The following MEIS1 variants were observed in gnomAD, a reference collection of about 807,000 sequenced individuals.
MEIS1 encodes the protein Meis homeobox 1.
MEIS1 carries 5 observed loss-of-function variants against 50.8 expected under a neutral mutation model. The observed-to-expected ratio is 0.10, with a 90% CI of 0.05 to 0.21. The LOEUF is 0.21. MEIS1 is among the 10% of genes least tolerant of loss of function. The pLI is 1.00. For missense variants in MEIS1, 318 were observed against 517.3 expected, an observed-to-expected ratio of 0.61 and a Z score of 3.74; for synonymous variants, 176 against 179.3, an observed-to-expected ratio of 0.98 and a Z score of 0.15.
intron 7 of MEIS1, among the ~76,000 whole-genome samples, chr2:66,469,203 A>AG (rs1312975077): frequency 6.6e-6 from 1 of 151,100 alleles, no homozygotes; most frequent in Non-Finnish European, 1.5e-5. Flanking sequence ...AAAAAAAAAA[A>AG]GCAAAACCAG....
intron 6 of MEIS1, among the ~76,000 whole-genome samples, chr2:66,455,259 T>C (rs1050062581): frequency 1.3e-5 from 2 of 152,216 alleles, no homozygotes; most frequent in Non-Finnish European, 2.9e-5. Flanking sequence ...TTTTGAGAAA[T>C]TGGCATTTAT....
At chr2:66,447,250 A>G (rs1383889861) in intron 6 of MEIS1, among the ~76,000 whole-genome samples, 3 of 152,226 alleles carry the variant, frequency 2.0e-5, no homozygotes, top group Non-Finnish European at 4.4e-5. Context: ...TCCCTTTGTC[A>G]GGTAGTTTGT....
intron 9 of MEIS1, among the ~76,000 whole-genome samples, chr2:66,554,076 T>A (rs1383238299): frequency 6.6e-6 from 1 of 152,332 alleles, no homozygotes; most frequent in East Asian, 1.9e-4. Flanking sequence ...AGCTGGAAGC[T>A]GCAATCCAGC....
chr2:66,473,397 A>AAATATATATAT, intron 7 of MEIS1, among the ~76,000 whole-genome samples: 1 of 107,592 alleles, frequency 9.3e-6, no homozygotes, highest in African/African-American at 5.8e-5. Flanking sequence ...AAAAAAAAAA[A>AAATATATATAT]ATATATATAT....
At chr2:66,462,840 A>G (rs970477100) in intron 6 of MEIS1, among the ~76,000 whole-genome samples, 2 of 152,188 alleles carry the variant, frequency 1.3e-5, no homozygotes, top group East Asian at 1.9e-4. Context: ...TACAAATGGC[A>G]TATCTTTCTA....
intron 9 of MEIS1, among the ~76,000 whole-genome samples, chr2:66,566,553 A>G (rs550584787): frequency 6.6e-4 from 100 of 152,246 alleles, no homozygotes; most frequent in South Asian, 3.1e-3. Context: ...ATGCAGAACA[A>G]ACGGATCTTA....
intron 8 of MEIS1, among the ~76,000 whole-genome samples, chr2:66,524,826 G>A (rs370795372): frequency 2.6e-5 from 4 of 152,106 alleles, no homozygotes; most frequent in African/African-American, 7.2e-5. Context: ...GGTATAACAA[G>A]TAACTTTAAA....
chr2:66,573,606 C>T lies in MEIS1; in HGVS notation c.*2398C>T, dbSNP rs766114789. ...CTGCTGGAGTAGCAATGCATTCTCA[C>T]CTTTTGCTGATGGGGCCTTGTTTCT... On this transcript the variant is annotated 3_prime_UTR_variant, in exon 13 of 13. Transcript: ENST00000272369. 8 of 152,196 alleles carry T rather than the reference C, an allele frequency of 5.3e-5. No homozygotes were observed. Among genetic ancestry groups the T allele is most frequent in the African/African-American group, 9.7e-5 (4 of 41,430 alleles). 9.4% of individuals were successfully genotyped at this position (152,196 alleles called of 1,614,324 possible). A position where few individuals can be genotyped will look rare whatever the true frequency, so the allele number is the denominator to read the frequency against.
At chr2:66,536,241 C>T (rs1487021348) in intron 8 of MEIS1, among the ~76,000 whole-genome samples, 2 of 152,172 alleles carry the variant, frequency 1.3e-5, no homozygotes, top group Middle Eastern at 3.2e-3. Context: ...ACCAAATTTA[C>T]ATACTTTTAA....
chr2:66,498,674 G>A (rs1254740983), intron 7 of MEIS1, among the ~76,000 whole-genome samples: 2 of 152,110 alleles, frequency 1.3e-5, no homozygotes, highest in East Asian at 1.9e-4. Flanking sequence ...AGTCTTCCTG[G>A]CCTGGAGTGA....
At chr2:66,517,714 G>A (rs916949965) in intron 8 of MEIS1, among the ~76,000 whole-genome samples, 6 of 152,106 alleles carry the variant, frequency 3.9e-5, no homozygotes, top group African/African-American at 7.2e-5. Context: ...AAATGGAGTC[G>A]ATTATTTAAT....
chr2:66,527,720 G>A (rs568118773), intron 8 of MEIS1, among the ~76,000 whole-genome samples: 7 of 151,600 alleles, frequency 4.6e-5, no homozygotes, highest in South Asian at 4.2e-4. Context: ...GAGGAGAGAT[G>A]GCTAGAATAG....
chr2:66,521,336 AAC>A (rs752254330), intron 8 of MEIS1, among the ~76,000 whole-genome samples: 1 of 150,436 alleles, frequency 6.6e-6, no homozygotes, highest in Non-Finnish European at 1.5e-5. Flanking sequence ...TAAACCTTCT[AAC>A]ACAGAATTTA....
At chr2:66,442,215 T>C (rs944967921) in intron 5 of MEIS1, among the ~76,000 whole-genome samples, 1 of 149,384 alleles carries the variant, frequency 6.7e-6, no homozygotes, top group Admixed American at 6.7e-5. Flanking sequence ...CTGGGACCTC[T>C]AGGAAACCTC....
intron 7 of MEIS1, among the ~76,000 whole-genome samples, chr2:66,500,908 A>G (rs1673538507): frequency 6.6e-6 from 1 of 152,208 alleles, no homozygotes. Flanking sequence ...TAAATTACAT[A>G]GCAAGCTTTT....
At chr2:66,472,714 G>C (rs747031184) in intron 7 of MEIS1, among the ~76,000 whole-genome samples, 2 of 152,210 alleles carry the variant, frequency 1.3e-5, no homozygotes, top group Non-Finnish European at 2.9e-5. Context: ...GCACTACCTT[G>C]GTAGGTGTAG....
At chr2:66,568,456 G>C (rs1675404506) in intron 10 of MEIS1, 5 of 463,782 alleles carry the variant, frequency 1.1e-5, no homozygotes, top group Non-Finnish European at 2.0e-5. Context: ...CACCTTAACT[G>C]TTCCCTCTTT....
At chr2:66,473,397 A>AAAAAAAAAAATATATATATATATATAT in intron 7 of MEIS1, among the ~76,000 whole-genome samples, 1 of 107,584 alleles carries the variant, frequency 9.3e-6, no homozygotes, top group African/African-American at 5.8e-5. Context: ...AAAAAAAAAA[A>AAAAAAAAAAATATATATATATATATAT]ATATATATAT....
rs200557245 is a variant in MEIS1, at chr2:66,527,590, AAG to A, written c.888+15297_888+15298del. 5.7e-3 allele frequency among the ~76,000 whole-genome samples: 554 copies of A among 97,812 alleles called. 11 individuals carry two copies. Among genetic ancestry groups the A allele is most frequent in the African/African-American group, 0.024 (544 of 22,858 alleles). The allele number at this position is 97,812 out of a possible 152,430, so 64.2% of individuals were successfully genotyped here. ...CTGATACCTGTATTGCAGTAAAAGCAAGTGTGTGTGTGTGTGTGTGTGTGTGT... is the reference window on the plus strand; with the variant it reads ...CTGATACCTGTATTGCAGTAAAAGCATGTGTGTGTGTGTGTGTGTGTGTGT... On this transcript the variant is annotated intron_variant, in intron 8 of 12. Coordinates refer to ENST00000272369, the MANE Select transcript of MEIS1 (RefSeq NM_002398.3).
Sources: allele counts gnomAD v4.1 joint callset (sites outside exome capture counted in the v4.1 genomes callset), GRCh38; gene constraint gnomAD v4.1.1; transcripts MANE v1.5; gene names NCBI Gene and HGNC (gene_info 2026-07-23, HGNC 2026-07-21).